Variants in TMPRSS11A observed in about 807,000 individuals in gnomAD.
TMPRSS11A encodes the protein transmembrane serine protease 11A.
A neutral mutation model predicts 58.9 loss-of-function variants in TMPRSS11A; 53 were observed. The observed-to-expected ratio is 0.90, with a 90% CI of 0.72 to 1.13. The LOEUF is 1.13. TMPRSS11A is among the 50% of genes most tolerant of loss of function. TMPRSS11A has a pLI of 0.00. For missense variants in TMPRSS11A, 493 were observed against 499.3 expected (o/e 0.99, Z 0.12); for synonymous variants, 167 against 169.8 (o/e 0.98, Z 0.13).
intron 6 of TMPRSS11A, among the ~76,000 whole-genome samples, chr4:67,923,266 A>T (rs982462061): frequency 6.6e-6 from 1 of 152,192 alleles, no homozygotes; most frequent in Non-Finnish European, 1.5e-5. Flanking sequence ...TTTATTCACA[A>T]TGGTACCACC....
chr4:67,931,078 A>G (rs1028357409), intron 4 of TMPRSS11A, among the ~76,000 whole-genome samples: 1 of 152,116 alleles, frequency 6.6e-6, no homozygotes, highest in Non-Finnish European at 1.5e-5. Flanking sequence ...TCACAGGAGT[A>G]TAATAATGTT....
chr4:67,921,051 T>C (rs938888542), intron 7 of TMPRSS11A, among the ~76,000 whole-genome samples: 5 of 152,196 alleles, frequency 3.3e-5, no homozygotes, highest in African/African-American at 1.2e-4. Flanking sequence ...ATAGCTGTTA[T>C]ATGAATGAAG....
At chr4:67,930,210 C>T (rs1032003845) in intron 4 of TMPRSS11A, among the ~76,000 whole-genome samples, 170 bp from the exon 5 acceptor site, 1 of 152,164 alleles carries the variant, frequency 6.6e-6, no homozygotes, top group African/African-American at 2.4e-5. Flanking sequence ...CCTCTTCTAG[C>T]TTTCATTATG....
chr4:67,960,885 A>G (rs1000447674), intron 1 of TMPRSS11A, among the ~76,000 whole-genome samples: 10 of 152,226 alleles, frequency 6.6e-5, no homozygotes, highest in African/African-American at 1.9e-4. Context: ...ATAAAGAGCT[A>G]TGGGAAAAAG....
chr4:67,910,483 G>T lies in TMPRSS11A; in HGVS notation c.*859C>A, dbSNP rs964059251. ...AGGCATTTAACCCTACAATAATAAT[G>T]CACAAAATTTCCCCCTTGTGGTCAA... On this transcript the variant is annotated 3_prime_UTR_variant, in exon 10 of 10. Coordinates refer to ENST00000508048, the MANE Select transcript of TMPRSS11A (RefSeq NM_001114387.2). 2.0e-5 allele frequency: 3 copies of T among 151,872 alleles called. No homozygotes were observed. The highest frequency in any genetic ancestry group is 2.9e-5 in the Non-Finnish European group (2 of 67,916). The allele number at this position is 151,872 out of a possible 1,614,324, so 9.4% of individuals were successfully genotyped here. A position where few individuals can be genotyped will look rare whatever the true frequency, so the allele number is the denominator to read the frequency against.
intron 1 of TMPRSS11A, among the ~76,000 whole-genome samples, chr4:67,947,017 T>G (rs1721033213): frequency 6.6e-6 from 1 of 152,180 alleles, no homozygotes; most frequent in Admixed American, 6.5e-5. Flanking sequence ...CATAAAAAAT[T>G]ACTAAGAATA....
chr4:67,931,638 C>A (rs353175), intron 4 of TMPRSS11A, among the ~76,000 whole-genome samples: 47,141 of 152,084 alleles, frequency 0.31, 8,524 homozygotes, highest in African/African-American at 0.5. Flanking sequence ...TAATTGTCAA[C>A]ATAATATAAC....
At chr4:67,923,770 T>G (rs896512669) in intron 6 of TMPRSS11A, among the ~76,000 whole-genome samples, 4 of 152,212 alleles carry the variant, frequency 2.6e-5, no homozygotes, top group Non-Finnish European at 4.4e-5. Context: ...AAATTGTCAG[T>G]CACAGACAAT....
At position 67,944,637 on chromosome 4, in the gene TMPRSS11A, T is replaced by C. The variant is rs1720958876; in HGVS notation, c.134A>G (p.Asp45Gly). 6.2e-7 allele frequency: 1 copy of C among 1,607,676 alleles called. No homozygotes were observed. The highest frequency in any genetic ancestry group is 8.5e-7 in the Non-Finnish European group (1 of 1,177,816). Reference sequence around the variant, plus strand: ...GCCATGATAGTACTCCTTTTTTTGGTCTGCAATGGAAATGAAAAATAGGAA... The same window carrying C: ...GCCATGATAGTACTCCTTTTTTTGGCCTGCAATGGAAATGAAAAATAGGAA... ...IGLLVHFLVF[D>G]QKKEYYHGSF... Residue 45 changes from aspartate to glycine, a missense_variant and splice_region_variant, in exon 3 of 10, where the codon GAC becomes GGC. Transcript: ENST00000508048.
intron 3 of TMPRSS11A, among the ~76,000 whole-genome samples, chr4:67,938,913 T>A (rs138088461): frequency 6.6e-6 from 1 of 151,904 alleles, no homozygotes; most frequent in Non-Finnish European, 1.5e-5. Context: ...TTGTACCATA[T>A]GAAATTTACA....
At chr4:67,962,683 G>A (rs2109777254) in intron 1 of TMPRSS11A, among the ~76,000 whole-genome samples, 1 of 152,310 alleles carries the variant, frequency 6.6e-6, no homozygotes, top group South Asian at 2.1e-4. Context: ...CATCATGGCT[G>A]TTTAAAATCA....
rs1265700805 is a variant in TMPRSS11A, at chr4:67,930,829, T to TTTTTAA, written c.321-790_321-789insTTAAAA. On this transcript the variant is annotated intron_variant, in intron 4 of 9. Transcript: ENST00000508048. ...TCTCCTTTTTTTTTTTTTTTTTTTT[T>TTTTTAA]ACAAAAAAAAAAAAAACTGTGAAAA... Among the ~76,000 whole-genome samples, 327 of 89,924 alleles carry TTTTTAA rather than the reference T, an allele frequency of 3.6e-3. 3 individuals carry two copies. Among genetic ancestry groups the TTTTTAA allele is most frequent in the East Asian group, 0.014 (28 of 1,980 alleles). The allele number at this position is 89,924 out of a possible 152,430, so 59.0% of individuals were successfully genotyped here. A position where few individuals can be genotyped will look rare whatever the true frequency, so the allele number is the denominator to read the frequency against.
chr4:67,921,831 C>T (rs1232872253), intron 7 of TMPRSS11A, among the ~76,000 whole-genome samples: 1 of 152,054 alleles, frequency 6.6e-6, no homozygotes, highest in African/African-American at 2.4e-5. Flanking sequence ...CCTGCTGCCA[C>T]CTATTATATA....
intron 3 of TMPRSS11A, among the ~76,000 whole-genome samples, chr4:67,932,803 G>A (rs1720662400): frequency 6.6e-6 from 1 of 152,018 alleles, no homozygotes; most frequent in African/African-American, 2.4e-5. Flanking sequence ...AAAAGAATTA[G>A]GTGGTATTCC....
At chr4:67,919,472 A>G (rs1720260549) in intron 7 of TMPRSS11A, among the ~76,000 whole-genome samples, 1 of 152,212 alleles carries the variant, frequency 6.6e-6, no homozygotes, top group Non-Finnish European at 1.5e-5. Context: ...ACTGTAATAC[A>G]CATAAAATAT....
In TMPRSS11A at chr4:67,963,375, G is replaced by A. The variant is rs1362333003; in HGVS notation, c.11+8C>T. 8 of 1,613,442 alleles carry A rather than the reference G, an allele frequency of 5.0e-6. No homozygotes were observed. The highest frequency in any genetic ancestry group is 5.9e-6 in the Non-Finnish European group (7 of 1,179,800). On this transcript the variant is annotated splice_region_variant and intron_variant, in intron 1 of 9. Transcript: ENST00000508048. ...AACAAGCCATCTATAAAACAGAACT[G>A]AACTTACCGATACATCATGTACAGG...
Position 67,913,614 on chromosome 4 carries a change from C to T in TMPRSS11A, c.1095+974G>A, listed in dbSNP as rs149397413. On this transcript the variant is annotated intron_variant, in intron 9 of 9. Transcript: ENST00000508048. ...GGTCCTGTCTGCTCCAAGACTCCTGCACCTTCCACCTGTTCCCCGTGGTAT... is the reference window on the plus strand; with the variant it reads ...GGTCCTGTCTGCTCCAAGACTCCTGTACCTTCCACCTGTTCCCCGTGGTAT... Among the ~76,000 whole-genome samples, 57 of 152,296 alleles carry T rather than the reference C, an allele frequency of 3.7e-4. 1 individual carries two copies. The highest frequency in any genetic ancestry group is 1.3e-3 in the African/African-American group (54 of 41,566).
At chr4:67,959,226 AC>A (rs1188476226) in intron 1 of TMPRSS11A, among the ~76,000 whole-genome samples, 1 of 152,242 alleles carries the variant, frequency 6.6e-6, no homozygotes, top group East Asian at 1.9e-4. Flanking sequence ...CTATGGAGTG[AC>A]TAGTATTGTG....
chr4:67,933,283 GAAA>G (rs1350692961), intron 3 of TMPRSS11A, among the ~76,000 whole-genome samples: 1 of 152,122 alleles, frequency 6.6e-6, no homozygotes, highest in African/African-American at 2.4e-5. Context: ...ATTCCTGTTA[GAAA>G]TCTGTGACTC....
Sources: gnomAD v4.1 joint callset for allele counts (sites outside exome capture counted in the v4.1 genomes callset) on GRCh38, gnomAD v4.1.1 for gene constraint, MANE v1.5 for transcripts, NCBI Gene and HGNC (gene_info 2026-07-23, HGNC 2026-07-21) for gene names.